Variants in PPARGC1B observed in about 807,000 individuals in gnomAD.
PPARGC1B encodes the protein PPARG coactivator 1 beta.
A neutral mutation model predicts 101.6 loss-of-function variants in PPARGC1B; 34 were observed. The ratio of observed to expected loss-of-function variants is 0.33; its 90% CI spans 0.25 to 0.45. The LOEUF (loss-of-function observed/expected upper bound fraction) is 0.45, where lower values mean the gene tolerates loss of function less well. PPARGC1B is among the 20% of genes least tolerant of loss of function. PPARGC1B has a pLI of 1.00. For missense variants in PPARGC1B, 1,234 were observed against 1,317.6 expected (o/e 0.94, Z 0.98); for synonymous variants, 548 against 539.3 (o/e 1.02, Z -0.22).
At chr5:149,739,986 T>G (rs1289953014) in intron 1 of PPARGC1B, 1 of 152,202 alleles carries the variant, frequency 6.6e-6, no homozygotes, top group East Asian at 1.9e-4. Context: ...CCCTGCTCTT[T>G]CCTCAGGATA....
intron 1 of PPARGC1B, among the ~76,000 whole-genome samples, chr5:149,765,860 C>CAA (rs10712476): frequency 6.8e-4 from 60 of 88,710 alleles, no homozygotes; most frequent in East Asian, 9.4e-4. Flanking sequence ...GACTCCGTCT[C>CAA]AAAAAAAAAA....
chr5:149,746,872 G>A (rs554680259), intron 1 of PPARGC1B, among the ~76,000 whole-genome samples: 15 of 152,150 alleles, frequency 9.9e-5, no homozygotes, highest in African/African-American at 3.4e-4. Flanking sequence ...TTTTTAATGT[G>A]TTTACTGGCC....
chr5:149,852,908 T>A lies in PPARGC1B; in HGVS notation c.*5350T>A, dbSNP rs1225659603. ...CCTGGGGACAGCTTTTCAGATACTC[T>A]GTTTCATCAGTATGCTTTGCACATC... On this transcript the variant is annotated 3_prime_UTR_variant, in exon 12 of 12. Coordinates refer to ENST00000309241, the MANE Select transcript of PPARGC1B (RefSeq NM_133263.4). 2 of 152,180 alleles carry A rather than the reference T, an allele frequency of 1.3e-5. No individual in the cohort carries two copies. Among genetic ancestry groups the A allele is most frequent in the African/African-American group, 4.8e-5 (2 of 41,436 alleles). The allele number at this position is 152,180 out of a possible 1,614,324, so 9.4% of individuals were successfully genotyped here. A position where few individuals can be genotyped will look rare whatever the true frequency, so the allele number is the denominator to read the frequency against.
At chr5:149,781,606 T>C (rs994735112) in intron 1 of PPARGC1B, among the ~76,000 whole-genome samples, 10 of 152,244 alleles carry the variant, frequency 6.6e-5, no homozygotes, top group African/African-American at 2.4e-4. Flanking sequence ...TGCTGCCGTT[T>C]GAGTGGCCAG....
chr5:149,751,428 G>A (rs60726539), intron 1 of PPARGC1B, among the ~76,000 whole-genome samples: 50,328 of 152,054 alleles, frequency 0.33, 8,824 homozygotes, highest in Non-Finnish European at 0.39. Context: ...AATCCCGGCC[G>A]GGCACGCTGG....
intron 1 of PPARGC1B, among the ~76,000 whole-genome samples, chr5:149,802,937 C>T (rs1757477856): frequency 6.6e-6 from 1 of 152,160 alleles, no homozygotes; most frequent in Non-Finnish European, 1.5e-5. Context: ...GAGGAGCCAG[C>T]AGAGCTCCCA....
chr5:149,738,064 C>T (rs1390831611), intron 1 of PPARGC1B, among the ~76,000 whole-genome samples: 1 of 152,146 alleles, frequency 6.6e-6, no homozygotes, highest in Non-Finnish European at 1.5e-5. Flanking sequence ...GTAACACATG[C>T]CTGGCACAGA....
intron 1 of PPARGC1B, among the ~76,000 whole-genome samples, chr5:149,787,485 C>T (rs1279216258): frequency 1.3e-5 from 2 of 152,222 alleles, no homozygotes; most frequent in Non-Finnish European, 2.9e-5. Flanking sequence ...TGATTAGTAA[C>T]AAATTACCTA....
chr5:149,799,693 G>GTTGTTTTTTTTTTTTTTTTT (rs752427488), intron 1 of PPARGC1B, among the ~76,000 whole-genome samples: 3 of 76,480 alleles, frequency 3.9e-5, no homozygotes, highest in African/African-American at 1.1e-4. Flanking sequence ...GCTTGTTGTT[G>GTTGTTTTTTTTTTTTTTTTT]TTTTTTTTTT....
At chr5:149,791,180 G>C (rs34463155) in intron 1 of PPARGC1B, among the ~76,000 whole-genome samples, 15,570 of 128,716 alleles carry the variant, frequency 0.12, 974 homozygotes, top group East Asian at 0.28. Context: ...TACTCAGGAG[G>C]CTGAGACACG....
downstream of PPARGC1B, among the ~76,000 whole-genome samples, chr5:149,855,950 C>G (rs999525191): frequency 2.6e-5 from 4 of 152,072 alleles, no homozygotes; most frequent in Non-Finnish European, 4.4e-5. Context: ...AACCCCATCT[C>G]TACTAACAAT....
At position 149,842,260 on chromosome 5, in the gene PPARGC1B, A is replaced by T. The variant is rs772475397; in HGVS notation, c.2699A>T (p.Glu900Val). 6.2e-7 allele frequency: 1 copy of T among 1,612,526 alleles called. No homozygotes were observed. Among genetic ancestry groups the T allele is most frequent in the Admixed American group, 1.7e-5 (1 of 59,994 alleles). Residue 900 changes from glutamate (E) to valine (V), a missense_variant, in exon 10 of 12, where the codon GAA becomes GTA. Transcript: ENST00000309241. ...TCTGTCCTCCTTCTTGGGCAGGGGGAAGGCCGCGTGGTGTACATTCAAAAT... is the reference window on the plus strand; with the variant it reads ...TCTGTCCTCCTTCTTGGGCAGGGGGTAGGCCGCGTGGTGTACATTCAAAAT... ...ARKRREKAIG[E>V]GRVVYIQNLS...
intron 1 of PPARGC1B, among the ~76,000 whole-genome samples, chr5:149,752,738 A>G (rs1002508074): frequency 6.6e-6 from 1 of 152,204 alleles, no homozygotes; most frequent in East Asian, 1.9e-4. Flanking sequence ...CTGAGGCAGG[A>G]GAATCGCTTG....
Position 149,836,437 on chromosome 5 carries a change from G to A in PPARGC1B, c.1982G>A (p.Arg661Gln), listed in dbSNP as rs779270704. 2.2e-5 allele frequency: 35 copies of A among 1,614,020 alleles called. 1 individual carries two copies. The highest frequency in any genetic ancestry group is 2.2e-4 in the Admixed American group (13 of 60,004). ...AHKLPKKHPERSELLSHLRHA... is the reference protein window; with the variant it reads ...AHKLPKKHPEQSELLSHLRHA... ...AAGCTGCCAAAGAAGCACCCAGAGC[G>A]AAGTGAGCTCCTGTCCCACCTGCGA... is the stretch of plus-strand genomic sequence containing the variant. Residue 661 changes from arginine to glutamine, a missense_variant, in exon 8 of 12, where the codon CGA becomes CAA. Physicochemically the swap from Arg to Gln is conservative, Grantham distance 43. Around this residue, in one of 3 missense-constraint regions of PPARGC1B, gnomAD observed 497 missense variants for 529.5 expected, o/e 0.94. Transcript: ENST00000309241.
At chr5:149,741,094 C>T (rs1010545680) in intron 1 of PPARGC1B, among the ~76,000 whole-genome samples, 7 of 152,290 alleles carry the variant, frequency 4.6e-5, no homozygotes, top group Admixed American at 2.6e-4. Context: ...GACCCACTGT[C>T]TGGGAACTCA....
chr5:149,836,639 T>C lies in PPARGC1B; in HGVS notation c.2184T>C (p.Pro728=). The C allele has an allele frequency of 1.2e-6, 2 of 1,613,864 alleles. No individual in the cohort carries two copies. Among genetic ancestry groups the C allele is most frequent in the Non-Finnish European group, 1.7e-6 (2 of 1,180,022 alleles). The part of the protein sequence containing the change: ...HLEDWPQQGA[P]WAEAQAPGRE... The stretch of plus-strand genomic sequence containing the variant: ...AGGACTGGCCCCAGCAGGGTGCCCC[T>C]TGGGCTGAGGCACAGGCCCCTGGCA... The change falls in exon 8 of 12, where the codon CCT becomes CCC. Residue 728 remains proline, a synonymous_variant. Transcript: ENST00000309241.
chr5:149,761,304 C>T (rs1755708518), intron 1 of PPARGC1B: 1 of 152,068 alleles, frequency 6.6e-6, no homozygotes, highest in African/African-American at 2.4e-5. Flanking sequence ...CTCTCTTAGT[C>T]AATTTCAAGT....
intron 4 of PPARGC1B, among the ~76,000 whole-genome samples, chr5:149,831,403 C>G (rs1469739248): frequency 6.6e-6 from 1 of 152,230 alleles, no homozygotes; most frequent in Non-Finnish European, 1.5e-5. Flanking sequence ...AGGCTACACA[C>G]AACCCCTCCT....
rs185942274 is a variant in PPARGC1B at position 149,747,012 on chromosome 5, T to C, written c.78+16592T>C. ...TTTGAGATACTAATCTCATCAGATA[T>C]GATTTGCAAATATTTTCTCCCATTC... On this transcript the variant is annotated intron_variant, in intron 1 of 11. Transcript: ENST00000309241. Among the ~76,000 whole-genome samples the C allele has an allele frequency of 3.6e-3, 552 of 152,354 alleles. 2 individuals carry two copies. Among genetic ancestry groups the C allele is most frequent in the Middle Eastern group, 6.8e-3 (2 of 294 alleles).
Sources: gnomAD v4.1 joint callset for allele counts (sites outside exome capture counted in the v4.1 genomes callset) on GRCh38, gnomAD v4.1.1 for gene constraint, gnomAD v4.1.1 regional missense constraint, MANE v1.5 for transcripts, NCBI Gene and HGNC (gene_info 2026-07-23, HGNC 2026-07-21) for gene names.